Variants in TMEM67 observed in about 807,000 individuals in gnomAD.
TMEM67 encodes the protein meckelin.
Under a neutral mutation model 136.6 loss-of-function variants are expected in TMEM67, and 124 were observed. That is an observed-to-expected ratio of 0.91 (90% CI 0.78 to 1.05). The LOEUF (loss-of-function observed/expected upper bound fraction) is 1.05, where lower values mean the gene tolerates loss of function less well. TMEM67 is among the 50% of genes least tolerant of loss of function. TMEM67 has a pLI of 0.00. For synonymous variants in TMEM67, 364 were observed against 390.5 expected (o/e 0.93, Z 0.80); for missense variants, 1,107 against 1,178.4 (o/e 0.94, Z 0.89).
rs990243311 is a variant in TMEM67, at chr8:93,793,212, A to G, written c.1590A>G (p.Val530=). 1 of 1,614,044 alleles carries G rather than the reference A, an allele frequency of 6.2e-7. No homozygotes were observed. The highest frequency in any genetic ancestry group is 8.5e-7 in the Non-Finnish European group (1 of 1,179,950). The change falls in exon 16 of 28, where the codon GTA becomes GTG. Residue 530 remains valine, a synonymous_variant. Transcript: ENST00000453321. The stretch of plus-strand genomic sequence containing the variant: ...TTGTTTTTTAGATTGCTTTGGGTGT[A>G]TTGGGTGGGCTAGCTGTTTTAGCAT... ...AHVQTDIALG[V]LGGLAVLASL...
At chr8:93,830,424 G>A in the TMEM67 span, among the ~76,000 whole-genome samples, 2 of 152,298 alleles carry the variant, frequency 1.3e-5, no homozygotes, top group South Asian at 2.1e-4. Flanking sequence ...CCAAATTGAA[G>A]CCAGTCTGTC....
In TMEM67 at chr8:93,782,406, C is replaced by G. The variant is rs536457218; in HGVS notation, c.1077C>G (p.Asp359Glu). The change falls in exon 11 of 28, where the codon GAC (aspartate) becomes GAG (glutamate). Residue 359 changes from aspartate to glutamate, a missense_variant. Physicochemically the swap from Asp to Glu is conservative, Grantham distance 45 (BLOSUM62 2). Coordinates refer to ENST00000453321, the MANE Select transcript of TMEM67 (RefSeq NM_153704.6). ...TTATTTTGCTGCAGCTTTGTCCAGA[C>G]ACAGAGACAAGGCTAAATGCTGCTT... ...LEGGVLQLCP[D>E]TETRLNAAYS... 1.2e-6 allele frequency: 2 copies of G among 1,612,668 alleles called. No individual in the cohort carries two copies. The highest frequency in any genetic ancestry group is 2.2e-5 in the South Asian group (2 of 91,018).
At chr8:93,805,809 A>G (rs1353300790) in intron 23 of TMEM67, among the ~76,000 whole-genome samples, 1 of 152,216 alleles carries the variant, frequency 6.6e-6, no homozygotes, top group Admixed American at 6.5e-5. Context: ...GTAAGCTGCC[A>G]TTATCAGTGG....
intron 15 of TMEM67, chr8:93,792,078 T>TCTCGAACTC (rs1814403025): frequency 6.6e-6 from 1 of 152,570 alleles, no homozygotes; most frequent in Admixed American, 6.5e-5. Flanking sequence ...GTCAGGCTGG[T>TCTCGAACTC]CTCGAACTCC....
chr8:93,797,264 A>C lies in TMEM67; in HGVS notation c.1960+31A>C, dbSNP rs376589556. The C allele has an allele frequency of 2.5e-6, 4 of 1,612,536 alleles. No individual in the cohort carries two copies. In the African/African-American group the frequency reaches 5.3e-5, roughly 22 times the overall value. On this transcript the variant is annotated intron_variant, in intron 19 of 27. Coordinates refer to ENST00000453321, the MANE Select transcript of TMEM67 (RefSeq NM_153704.6). ...TGAAATAAAAAATATTTGTACCAAA[A>C]TTCTTTTGCTACCCTTGCAGAGCAA...
chr8:93,793,587 G>A (rs1389428755), intron 16 of TMEM67, among the ~76,000 whole-genome samples: 1 of 152,116 alleles, frequency 6.6e-6, no homozygotes, highest in Non-Finnish European at 1.5e-5. Context: ...ATGGCATATA[G>A]TAGTATGTCA....
the TMEM67 span, among the ~76,000 whole-genome samples, chr8:93,827,500 C>T: frequency 7.2e-5 from 11 of 152,158 alleles, no homozygotes; most frequent in East Asian, 1.9e-4. Context: ...GGGTGGCAAG[C>T]GATCCTCCTG....
chr8:93,769,168 G>T (rs1288614654), intron 6 of TMEM67, among the ~76,000 whole-genome samples: 2 of 152,122 alleles, frequency 1.3e-5, no homozygotes, highest in African/African-American at 2.4e-5. Flanking sequence ...GCGCGGGCAG[G>T]GAAGGGCAGC....
At chr8:93,818,887 C>A, downstream of TMEM67, 1 of 335,472 alleles carries the variant, frequency 3.0e-6, no homozygotes, top group South Asian at 2.5e-5. Context: ...ACTCTAACCT[C>A]TGCCTCCTAG....
the TMEM67 span, among the ~76,000 whole-genome samples, chr8:93,829,235 A>G: frequency 4.5e-4 from 69 of 152,300 alleles, no homozygotes; most frequent in African/African-American, 1.7e-3. Context: ...AAGGGCAGAA[A>G]TAGGCATAGT....
chr8:93,758,476 A>G lies in TMEM67; in HGVS notation c.313-7A>G. ...AAGAGAAAAGCATTTTTTTTCTTTT[A>G]ATTTAGAAAGGTGTTACAGAAGATG... On this transcript the variant is annotated splice_region_variant and splice_polypyrimidine_tract_variant and intron_variant, in intron 2 of 27. Coordinates refer to ENST00000453321, the MANE Select transcript of TMEM67 (RefSeq NM_153704.6). 2 of 1,604,216 alleles carry G rather than the reference A, an allele frequency of 1.2e-6. No individual in the cohort carries two copies. Among genetic ancestry groups the G allele is most frequent in the Non-Finnish European group, 1.7e-6 (2 of 1,173,802 alleles).
At chr8:93,756,690 G>A (rs1331510565) in intron 2 of TMEM67, 2 of 152,100 alleles carry the variant, frequency 1.3e-5, no homozygotes, top group Non-Finnish European at 2.9e-5. Context: ...GATCCTAGCT[G>A]AATTACCCAT....
chr8:93,767,273 C>T (rs936593197), intron 6 of TMEM67, among the ~76,000 whole-genome samples: 3 of 152,212 alleles, frequency 2.0e-5, no homozygotes, highest in Admixed American at 6.5e-5. Context: ...CATCCAGGGG[C>T]ACACAGTGTC....
At chr8:93,799,398 T>C (rs185116701) in intron 20 of TMEM67, among the ~76,000 whole-genome samples, 2 of 152,314 alleles carry the variant, frequency 1.3e-5, no homozygotes, top group Admixed American at 6.5e-5. Context: ...CTTAGTCATA[T>C]TGAGAAGAAT....
At chr8:93,820,212 C>T (rs1464654171), downstream of TMEM67, among the ~76,000 whole-genome samples, 2 of 152,144 alleles carry the variant, frequency 1.3e-5, no homozygotes, top group South Asian at 2.1e-4. Flanking sequence ...GTGTGCCGTG[C>T]CATCTGTTTC....
rs386834184 is a variant in TMEM67, at chr8:93,786,270, G to T, written c.1336G>T (p.Asp446Tyr). Residue 446 changes from aspartate (D) to tyrosine (Y), a missense_variant, in exon 13 of 28, where the codon GAT becomes TAT. By Grantham distance (160) the Asp-to-Tyr change is radical. Transcript: ENST00000453321. ...WLLTRRIFLV[D>Y]AVSGRENDLG... is the part of the protein sequence containing the mutation. ...TCTAACTCGGCGCATTTTCTTAGTGGATGCAGTAAGTGGACGAGAAAATGA... is the reference window on the plus strand; with the variant it reads ...TCTAACTCGGCGCATTTTCTTAGTGTATGCAGTAAGTGGACGAGAAAATGA... 6.2e-7 allele frequency: 1 copy of T among 1,613,984 alleles called. No individual in the cohort carries two copies. The highest frequency in any genetic ancestry group is 8.5e-7 in the Non-Finnish European group (1 of 1,179,892).
At position 93,780,588 on chromosome 8, in the gene TMEM67, T is replaced by G. The variant is rs1289710647; in HGVS notation, c.715-5T>G. ...TTACTTTTCTTTGCCATTGTTCTGT[T>G]GTAGGTATATGCCAATCTAACATCT... On this transcript the variant is annotated splice_region_variant and splice_polypyrimidine_tract_variant and intron_variant, in intron 7 of 27. Transcript: ENST00000453321. 6.2e-7 allele frequency: 1 copy of G among 1,614,086 alleles called. No individual in the cohort carries two copies. The highest frequency in any genetic ancestry group is 1.1e-5 in the South Asian group (1 of 91,078).
At chr8:93,789,462 A>G (rs533991080) in intron 14 of TMEM67, among the ~76,000 whole-genome samples, 2 of 152,136 alleles carry the variant, frequency 1.3e-5, no homozygotes, top group South Asian at 4.2e-4. Flanking sequence ...CTTGACCAAC[A>G]TAGTGAAACC....
intron 26 of TMEM67, 72 bp downstream of exon 26, chr8:93,809,959 TTTTC>T: frequency 1.1e-6 from 1 of 921,430 alleles, no homozygotes; most frequent in Non-Finnish European, 1.7e-6. Context: ...TTGTAGATAT[TTTTC>T]TTTTTTTCTT....
Sources: gnomAD v4.1 joint callset for allele counts (sites outside exome capture counted in the v4.1 genomes callset) on GRCh38, gnomAD v4.1.1 for gene constraint, MANE v1.5 for transcripts, NCBI Gene and HGNC (gene_info 2026-07-23, HGNC 2026-07-21) for gene names.